ZSCAN31: variants seen among roughly 807,000 people sequenced by gnomAD.
ZSCAN31 encodes zinc finger and SCAN domain containing 31, also known as zinc finger and SCAN domain-containing protein 31.
Under a neutral mutation model 22.5 loss-of-function variants are expected in ZSCAN31, and 14 were observed. That is an observed-to-expected ratio of 0.62 (90% CI 0.41 to 0.97). The LOEUF is 0.97. ZSCAN31 is among the 50% of genes least tolerant of loss of function. ZSCAN31 has a pLI of 0.00. For synonymous variants in ZSCAN31, 168 were observed against 169.8 expected (o/e 0.99, Z 0.08); for missense variants, 424 against 483.4 (o/e 0.88, Z 1.15).
At chr6:28,332,558 C>T (rs974081837) in intron 1 of ZSCAN31, among the ~76,000 whole-genome samples, 4 of 152,160 alleles carry the variant, frequency 2.6e-5, no homozygotes, top group African/African-American at 4.8e-5. Flanking sequence ...AAGCTTAGCG[C>T]AGTACCTGGC....
chr6:28,353,132 C>A (rs1765169799), intron 2 of ZSCAN31, among the ~76,000 whole-genome samples: 1 of 151,994 alleles, frequency 6.6e-6, no homozygotes, highest in Non-Finnish European at 1.5e-5. Flanking sequence ...TCACGCCCAG[C>A]TAATTTTTGT....
chr6:28,352,449 C>T (rs1339336831), intron 2 of ZSCAN31, among the ~76,000 whole-genome samples: 2 of 152,020 alleles, frequency 1.3e-5, no homozygotes, highest in African/African-American at 4.8e-5. Context: ...GACAGGGTTT[C>T]GTCATATGGG....
chr6:28,327,499 A>G lies in ZSCAN31; in HGVS notation c.416T>C (p.Leu139Pro). Residue 139 changes from leucine (L) to proline (P), a missense_variant, in exon 3 of 4, where the codon CTC becomes CCC. By Grantham distance (98) the Leu-to-Pro change is moderately conservative. Coordinates refer to ENST00000344279, the MANE Select transcript of ZSCAN31 (RefSeq NM_030899.5). ...PDHEHGHSEV[L>P]LEDVEHLKVK... The stretch of plus-strand genomic sequence containing the variant: ...CTTCAGATGTTCCACATCCTCCAAG[A>G]GCACTTCAGAATGTCCATGTTCATG... 6.2e-7 allele frequency: 1 copy of G among 1,613,826 alleles called. No individual in the cohort carries two copies. The highest frequency in any genetic ancestry group is 1.7e-5 in the Admixed American group (1 of 60,024).
intron 1 of ZSCAN31, 128 bp downstream of exon 1, chr6:28,335,954 C>A (rs1166090093): frequency 6.6e-6 from 1 of 152,356 alleles, no homozygotes; most frequent in Admixed American, 6.5e-5. Flanking sequence ...TCCACGGGGG[C>A]TTCAGGCCAG....
At position 28,329,778 on chromosome 6, in the gene ZSCAN31, C is replaced by A. The variant is rs905746726; in HGVS notation, c.-95G>T. The stretch of plus-strand genomic sequence containing the variant: ...ATTTAATCTTCCTTAGGAGAAGACA[C>A]CTGATGATAGAGCATTATATATTAA... On this transcript the variant is annotated splice_region_variant and 5_prime_UTR_variant, in exon 2 of 4. Transcript: ENST00000344279. 1.4e-6 allele frequency: 2 copies of A among 1,421,178 alleles called. No individual in the cohort carries two copies. Among genetic ancestry groups the A allele is most frequent in the East Asian group, 2.3e-5 (1 of 43,556 alleles). 88.0% of individuals were successfully genotyped at this position (1,421,178 alleles called of 1,614,324 possible).
In ZSCAN31 at chr6:28,347,562, T is replaced by C. The variant is rs2113865922; in HGVS notation, c.-370-5770A>G. 6.6e-6 allele frequency among the ~76,000 whole-genome samples: 1 copy of C among 152,348 alleles called. No individual in the cohort carries two copies. Among genetic ancestry groups the C allele is most frequent in the Non-Finnish European group, 1.5e-5 (1 of 68,036 alleles). On this transcript the variant is annotated intron_variant, in intron 2 of 7. Transcript: ENST00000396838. The surrounding 1 kb of genome is among the most constrained non-coding windows in gnomAD (Gnocchi z 5.2). Reference sequence around the variant, plus strand: ...TGTATTTATTTATTCTGCTTAATTCTTTTGTTTGTTTTTGTTTATTATTAT... The same window carrying C: ...TGTATTTATTTATTCTGCTTAATTCCTTTGTTTGTTTTTGTTTATTATTAT...
chr6:28,353,790 C>A (rs1278471944), intron 2 of ZSCAN31: 2 of 455,852 alleles, frequency 4.4e-6, no homozygotes, highest in African/African-American at 2.0e-5. Context: ...ACAGAACCAC[C>A]AGGCCTACTC....
At chr6:28,330,275 A>G (rs1463752903) in intron 1 of ZSCAN31, among the ~76,000 whole-genome samples, 1 of 152,122 alleles carries the variant, frequency 6.6e-6, no homozygotes, top group Non-Finnish European at 1.5e-5. Flanking sequence ...AGGTCTGCAG[A>G]GCTGTTGAAT....
In ZSCAN31 at chr6:28,329,774, G is replaced by C; in HGVS notation, c.-91C>G. 1 of 1,439,160 alleles carries C rather than the reference G, an allele frequency of 6.9e-7. No individual in the cohort carries two copies. Among genetic ancestry groups the C allele is most frequent in the Non-Finnish European group, 9.3e-7 (1 of 1,070,780 alleles). 89.1% of individuals were successfully genotyped at this position (1,439,160 alleles called of 1,614,324 possible). A position where few individuals can be genotyped will look rare whatever the true frequency, so the allele number is the denominator to read the frequency against. On this transcript the variant is annotated 5_prime_UTR_variant, in exon 2 of 4. Coordinates refer to ENST00000344279, the MANE Select transcript of ZSCAN31 (RefSeq NM_030899.5). ...TCTGATTTAATCTTCCTTAGGAGAA[G>C]ACACCTGATGATAGAGCATTATATA...
At chr6:28,329,281 A>G (rs916108715) in intron 2 of ZSCAN31, 22 bp downstream of exon 2, 1 of 1,545,516 alleles carries the variant, frequency 6.5e-7, no homozygotes, top group Middle Eastern at 1.8e-4. Flanking sequence ...TAATGTCTAG[A>G]AGTCCATCTT....
At chr6:28,340,409 G>C (rs539030742), upstream of ZSCAN31, among the ~76,000 whole-genome samples, 1 of 152,208 alleles carries the variant, frequency 6.6e-6, no homozygotes, top group Non-Finnish European at 1.5e-5. Flanking sequence ...TTTTCTCCTT[G>C]CTATTCTCAT....
At chr6:28,341,967 G>A (rs1430057867) in intron 2 of ZSCAN31, among the ~76,000 whole-genome samples, 1 of 152,162 alleles carries the variant, frequency 6.6e-6, no homozygotes, top group Non-Finnish European at 1.5e-5. Flanking sequence ...TAGAATTTAG[G>A]TAGAAAACGT....
At chr6:28,330,372 A>T (rs941687235) in intron 1 of ZSCAN31, among the ~76,000 whole-genome samples, 1 of 152,222 alleles carries the variant, frequency 6.6e-6, no homozygotes, top group Non-Finnish European at 1.5e-5. Flanking sequence ...ACTATATGCC[A>T]CCAACGTTTT....
In ZSCAN31 at chr6:28,327,451, A is replaced by G; in HGVS notation, c.464T>C (p.Ile155Thr). 1 of 1,614,072 alleles carries G rather than the reference A, an allele frequency of 6.2e-7. No homozygotes were observed. Among genetic ancestry groups the G allele is most frequent in the South Asian group, 1.1e-5 (1 of 91,076 alleles). ...HLKVKQEPTD[I>T]QLQPMVTQLR... The stretch of plus-strand genomic sequence containing the variant: ...CTGTGTCACCATAGGCTGAAGCTGT[A>G]TGTCTGTTGGTTCCTGCTTGACCTT... The change falls in exon 3 of 4, where the codon ATA becomes ACA. Residue 155 changes from isoleucine to threonine, a missense_variant. Ile to Thr is a moderately conservative substitution (Grantham distance 89, BLOSUM62 -1). Transcript: ENST00000344279.
chr6:28,337,034 G>A (rs114230898), upstream of ZSCAN31: 22 of 152,334 alleles, frequency 1.4e-4, no homozygotes, highest in African/African-American at 5.3e-4. Context: ...AAATCGATGA[G>A]AATAGCCTCT....
intron 2 of ZSCAN31, among the ~76,000 whole-genome samples, chr6:28,346,021 G>A (rs898083251): frequency 1.3e-5 from 2 of 152,290 alleles, no homozygotes; most frequent in South Asian, 4.2e-4. Context: ...GACCCACATA[G>A]GGAAAGATGT....
At chr6:28,326,920 G>T in intron 3 of ZSCAN31, 66 bp from the exon 4 acceptor site, 1 of 1,374,656 alleles carries the variant, frequency 7.3e-7, no homozygotes, top group Non-Finnish European at 9.9e-7. Context: ...ATCATAGGAT[G>T]GAAATAGAAA....
rs140792505 is a variant in ZSCAN31 at position 28,332,556 on chromosome 6, C to T, written c.-95-2778G>A. ...AAGGTAACGCATATAAAAAGCTTAG[C>T]GCAGTACCTGGCCCATAGCAATCAT... On this transcript the variant is annotated intron_variant, in intron 1 of 3. Transcript: ENST00000344279. 4.3e-4 allele frequency among the ~76,000 whole-genome samples: 66 copies of T among 152,284 alleles called. 1 individual carries two copies. The highest frequency in any genetic ancestry group is 3.4e-3 in the Middle Eastern group (1 of 294).
chr6:28,342,462 G>T (rs1764451535), intron 2 of ZSCAN31, among the ~76,000 whole-genome samples: 1 of 152,102 alleles, frequency 6.6e-6, no homozygotes, highest in Non-Finnish European at 1.5e-5. Flanking sequence ...GCAAAATCTG[G>T]CTAGATAAGT....
Sources: gnomAD v4.1 joint callset for allele counts (sites outside exome capture counted in the v4.1 genomes callset) on GRCh38, gnomAD v4.1.1 for gene constraint, Gnocchi (gnomAD v3.1) non-coding constraint, MANE v1.5 for transcripts, NCBI Gene and HGNC (gene_info 2026-07-23, HGNC 2026-07-21) for gene names.